The following P2RX3 variants were observed in gnomAD, a reference collection of about 807,000 sequenced individuals.
P2RX3 encodes P2X purinoceptor 3.
P2RX3 carries 41 observed loss-of-function variants against 51.5 expected under a neutral mutation model. The ratio of observed to expected loss-of-function variants is 0.80; its 90% CI spans 0.62 to 1.03. The LOEUF (loss-of-function observed/expected upper bound fraction) is 1.03. P2RX3 is among the 50% of genes least tolerant of loss of function. The pLI, the probability that P2RX3 is intolerant of heterozygous loss-of-function variation, is 0.00. For synonymous variants in P2RX3, 185 were observed against 191.6 expected, an observed-to-expected ratio of 0.97 and a Z score of 0.29; for missense variants, 459 against 522.1, an observed-to-expected ratio of 0.88 and a Z score of 1.18.
At chr11:57,351,013 C>T (rs1354225340) in intron 8 of P2RX3, 115 bp downstream of exon 8, 7 of 1,446,962 alleles carry the variant, frequency 4.8e-6, no homozygotes, top group Non-Finnish European at 6.6e-6. Flanking sequence ...CCAAGTCCCA[C>T]CTCAGGTTTC....
upstream of P2RX3, among the ~76,000 whole-genome samples, chr11:57,337,346 G>GGAAAA (rs1856249638): frequency 1.2e-4 from 3 of 24,164 alleles, no homozygotes; most frequent in East Asian, 1.5e-3. Context: ...GGGAAGGAAA[G>GGAAAA]AAAGAAAAAA....
rs1324700737 is a variant in P2RX3 at position 57,371,020 on chromosome 11, G to C, written c.*1023G>C. ...GGTGCCCCATTTTCTAAGGTTAGAAGCTAAAGGGGCCTTTTAAACCATCTT... is the reference window on the plus strand; with the variant it reads ...GGTGCCCCATTTTCTAAGGTTAGAACCTAAAGGGGCCTTTTAAACCATCTT... On this transcript the variant is annotated 3_prime_UTR_variant, in exon 12 of 12. Coordinates refer to ENST00000263314, the MANE Select transcript of P2RX3 (RefSeq NM_002559.5). 6.6e-6 allele frequency among the ~76,000 whole-genome samples: 1 copy of C among 152,236 alleles called. No individual in the cohort carries two copies. Among genetic ancestry groups the C allele is most frequent in the Non-Finnish European group, 1.5e-5 (1 of 68,034 alleles).
At chr11:57,350,614 C>A in intron 7 of P2RX3, 148 bp from the exon 8 acceptor site, 1 of 1,066,276 alleles carries the variant, frequency 9.4e-7, no homozygotes, top group Non-Finnish European at 1.4e-6. Flanking sequence ...CAGTATATGA[C>A]ATGTCACTTT....
chr11:57,337,729 G>C (rs994843380), upstream of P2RX3, among the ~76,000 whole-genome samples: 1 of 152,116 alleles, frequency 6.6e-6, no homozygotes, highest in Non-Finnish European at 1.5e-5. Context: ...TAAATGACGG[G>C]TATATTTACA....
At chr11:57,362,158 C>G (rs901544392) in intron 8 of P2RX3, among the ~76,000 whole-genome samples, 5 of 152,180 alleles carry the variant, frequency 3.3e-5, no homozygotes, top group African/African-American at 1.2e-4. Context: ...AAAAGGGAGG[C>G]AAGAGGAACA....
chr11:57,346,746 C>G, intron 2 of P2RX3, 67 bp downstream of exon 2: 1 of 1,578,476 alleles, frequency 6.3e-7, no homozygotes, highest in South Asian at 1.1e-5. Flanking sequence ...AGGGAGAAAG[C>G]GAGCAAAGAG....
rs77399385 is a variant in P2RX3, at chr11:57,369,351, C to T, written c.1003-10C>T. The T allele has an allele frequency of 1.9e-6, 3 of 1,608,650 alleles. No individual in the cohort carries two copies. Among genetic ancestry groups the T allele is most frequent in the African/African-American group, 1.3e-5 (1 of 74,724 alleles). The stretch of plus-strand genomic sequence containing the variant: ...ACCCCTCGGAGCCCGCCCTGCCTCT[C>T]CTCCTCCAGGGAACTGTTCTCTGTG... On this transcript the variant is annotated splice_polypyrimidine_tract_variant and intron_variant, in intron 10 of 11. Coordinates refer to ENST00000263314, the MANE Select transcript of P2RX3 (RefSeq NM_002559.5).
rs762836648 is a variant in P2RX3 at position 57,347,218 on chromosome 11, G to T, written c.327+31G>T. On this transcript the variant is annotated intron_variant, in intron 3 of 11. Coordinates refer to ENST00000263314, the MANE Select transcript of P2RX3 (RefSeq NM_002559.5). The stretch of plus-strand genomic sequence containing the variant: ...GGGAGGACAGAGGTTGGGTGAAGCA[G>T]GTCAAGGCTGAAAATGTTGGTGGGA... The T allele has an allele frequency of 4.4e-6, 7 of 1,607,910 alleles. No homozygotes were observed. In the South Asian group the frequency reaches 7.8e-5, roughly 18 times the overall value.
intron 8 of P2RX3, among the ~76,000 whole-genome samples, chr11:57,364,116 A>G (rs1371188115): frequency 6.6e-6 from 1 of 152,154 alleles, no homozygotes; most frequent in Non-Finnish European, 1.5e-5. Flanking sequence ...GGCCAGCAGT[A>G]AAGATTTCCG....
intron 8 of P2RX3, among the ~76,000 whole-genome samples, chr11:57,360,370 A>T (rs929600406): frequency 2.0e-5 from 3 of 152,192 alleles, no homozygotes; most frequent in Non-Finnish European, 2.9e-5. Context: ...TGGCAGCAGG[A>T]GGGAGCCCTG....
In P2RX3 at chr11:57,348,164, C is replaced by T. The variant is rs1045468700; in HGVS notation, c.392-6C>T. Reference sequence around the variant, plus strand: ...AGCCACCCAGCAGCTGTGGCTCTCACTTTAGGGATCCTCACTGGCCGCTGC... The same window carrying T: ...AGCCACCCAGCAGCTGTGGCTCTCATTTTAGGGATCCTCACTGGCCGCTGC... On this transcript the variant is annotated splice_region_variant and splice_polypyrimidine_tract_variant and intron_variant, in intron 4 of 11. Transcript: ENST00000263314. The T allele has an allele frequency of 6.3e-6, 10 of 1,575,512 alleles. No individual in the cohort carries two copies. The highest frequency in any genetic ancestry group is 8.6e-6 in the Non-Finnish European group (10 of 1,159,658).
At chr11:57,349,711 T>C in intron 6 of P2RX3, 46 bp from the exon 7 acceptor site, 1 of 1,611,838 alleles carries the variant, frequency 6.2e-7, no homozygotes, top group Non-Finnish European at 8.5e-7. Context: ...CACAAGACGA[T>C]CTTCCCATGA....
intron 1 of P2RX3, among the ~76,000 whole-genome samples, chr11:57,338,894 T>C (rs997418705): frequency 2.6e-5 from 4 of 152,112 alleles, no homozygotes; most frequent in African/African-American, 4.8e-5. Flanking sequence ...AGGGTTGAGA[T>C]TGGTTTCAAG....
intron 1 of P2RX3, among the ~76,000 whole-genome samples, chr11:57,346,231 T>C (rs1024927842): frequency 1.3e-5 from 2 of 152,208 alleles, no homozygotes; most frequent in African/African-American, 4.8e-5. Context: ...CTCACTCTTT[T>C]TATGCATAAA....
At chr11:57,360,585 G>C (rs1856699639) in intron 8 of P2RX3, among the ~76,000 whole-genome samples, 1 of 151,690 alleles carries the variant, frequency 6.6e-6, no homozygotes, top group South Asian at 2.1e-4. Flanking sequence ...ACAAGGTCAG[G>C]ATGGAGACCA....
Position 57,347,117 on chromosome 11 carries a change from G to A in P2RX3, c.257G>A (p.Gly86Asp), listed in dbSNP as rs547341157. Residue 86 changes from glycine (G) to aspartate (D), a missense_variant and splice_region_variant, in exon 3 of 12, where the codon GGC becomes GAC. Gly to Asp is a moderately conservative substitution (Grantham distance 94, BLOSUM62 -1). Coordinates refer to ENST00000263314, the MANE Select transcript of P2RX3 (RefSeq NM_002559.5). ...DVSDYVTPPQ[G>D]TSVFVIITKM... ...TCTCTCCCTTCTTCTCCTCCCAAGG[G>A]CACCTCGGTCTTTGTCATCATCACC... 3 of 1,613,522 alleles carry A rather than the reference G, an allele frequency of 1.9e-6. No individual in the cohort carries two copies. In the African/African-American group the frequency reaches 4.0e-5, roughly 22 times the overall value.
At chr11:57,348,841 C>A (rs907755143) in intron 6 of P2RX3, 137 bp downstream of exon 6, 50 of 617,098 alleles carry the variant, frequency 8.1e-5, no homozygotes, top group Non-Finnish European at 1.2e-4. Flanking sequence ...CTGGGCCTAC[C>A]ATTCCCAATC....
At chr11:57,368,213 G>A in intron 9 of P2RX3, 111 bp downstream of exon 9, 1 of 1,326,468 alleles carries the variant, frequency 7.5e-7, no homozygotes, top group South Asian at 1.2e-5. Flanking sequence ...GGCCAGCTTT[G>A]ACACCCTCAG....
upstream of P2RX3, among the ~76,000 whole-genome samples, chr11:57,337,512 C>T (rs559880314): frequency 6.6e-6 from 1 of 152,150 alleles, no homozygotes; most frequent in Admixed American, 6.5e-5. Flanking sequence ...AGTTCATGTC[C>T]TTTGCAGGGA....
Sources: gnomAD v4.1 joint callset for allele counts (sites outside exome capture counted in the v4.1 genomes callset) on GRCh38, gnomAD v4.1.1 for gene constraint, MANE v1.5 for transcripts, NCBI Gene and HGNC (gene_info 2026-07-23, HGNC 2026-07-21) for gene names.